The following EPYC variants were observed in gnomAD, a reference collection of about 807,000 sequenced individuals.
EPYC encodes epiphycan, also known as dermatan sulfate proteoglycan 3.
In EPYC, 28 loss-of-function variants were observed where a neutral mutation model predicts 30.1. That is an observed-to-expected ratio of 0.93 (90% CI 0.69 to 1.28). EPYC has a LOEUF of 1.28. EPYC is among the 50% of genes most tolerant of loss of function. The probability of loss-of-function intolerance (pLI) is 0.00; values close to 1 mark genes in which losing one functional copy is unlikely to be tolerated. For synonymous variants in EPYC, 144 were observed against 141.4 expected (o/e 1.02, Z -0.13); for missense variants, 382 against 383.5 (o/e 1.00, Z 0.03).
intron 2 of EPYC, among the ~76,000 whole-genome samples, chr12:91,000,962 C>T (rs979594453): frequency 1.3e-5 from 2 of 151,946 alleles, no homozygotes; most frequent in Non-Finnish European, 1.5e-5. Context: ...ACAGAAAATC[C>T]TGTTAACAGA....
At chr12:90,977,982 CT>C (rs1592625454) in intron 3 of EPYC, 105 bp downstream of exon 3, 1 of 1,045,336 alleles carries the variant, frequency 9.6e-7, no homozygotes, top group East Asian at 2.9e-5. Context: ...TATTCCAAAA[CT>C]TTTTTCTTGG....
intron 2 of EPYC, among the ~76,000 whole-genome samples, chr12:90,988,015 G>A (rs1241434316): frequency 6.6e-6 from 1 of 151,984 alleles, no homozygotes; most frequent in Non-Finnish European, 1.5e-5. Context: ...TGGGAAATAA[G>A]GATAGTCCAG....
intron 2 of EPYC, among the ~76,000 whole-genome samples, chr12:90,983,622 C>A (rs529331490): frequency 6.6e-6 from 1 of 152,134 alleles, no homozygotes; most frequent in East Asian, 1.9e-4. Context: ...TGCAGCCATG[C>A]GAGGAACTCT....
intron 2 of EPYC, among the ~76,000 whole-genome samples, chr12:91,000,573 A>G (rs537519182): frequency 2.6e-5 from 4 of 152,024 alleles, no homozygotes; most frequent in Non-Finnish European, 5.9e-5. Context: ...TAGAGAAGCC[A>G]TGATCCCAAA....
chr12:91,001,662 A>C (rs1330107081), intron 2 of EPYC, among the ~76,000 whole-genome samples: 3 of 152,144 alleles, frequency 2.0e-5, no homozygotes, highest in Middle Eastern at 3.2e-3. Flanking sequence ...GTTGAGCTAC[A>C]GTGGAGTTCC....
chr12:90,976,104 T>G (rs1288286852), intron 3 of EPYC, among the ~76,000 whole-genome samples: 1 of 152,110 alleles, frequency 6.6e-6, no homozygotes, highest in Non-Finnish European at 1.5e-5. Context: ...AAAGGGCAAC[T>G]TTTCATATTA....
chr12:90,982,366 A>G (rs1378788707), intron 2 of EPYC, among the ~76,000 whole-genome samples: 1 of 152,094 alleles, frequency 6.6e-6, no homozygotes, highest in Non-Finnish European at 1.5e-5. Context: ...GTTGACAGTT[A>G]CGCAACTATC....
intron 2 of EPYC, among the ~76,000 whole-genome samples, chr12:90,984,849 G>T (rs1317818892): frequency 2.0e-5 from 3 of 152,072 alleles, no homozygotes; most frequent in Non-Finnish European, 4.4e-5. Flanking sequence ...GCTGTAGGGG[G>T]AGGGGAATTT....
chr12:90,987,512 T>C (rs1386128700), intron 2 of EPYC, among the ~76,000 whole-genome samples: 2 of 152,188 alleles, frequency 1.3e-5, no homozygotes, highest in East Asian at 1.9e-4. Context: ...ATTTATCTCA[T>C]AGAGAAAGCA....
At chr12:90,984,977 C>G (rs1322088482) in intron 2 of EPYC, among the ~76,000 whole-genome samples, 1 of 152,116 alleles carries the variant, frequency 6.6e-6, no homozygotes, top group Non-Finnish European at 1.5e-5. Flanking sequence ...GGGTCTAGGG[C>G]AAACCTTCAA....
chr12:90,964,073 A>G lies in EPYC; in HGVS notation c.*83T>C. ...ATCTCTCAGAACACAATCTCAAAGT[A>G]TCATGCTGAGTTTTGTTTTGGAAGA... On this transcript the variant is annotated 3_prime_UTR_variant, in exon 7 of 7. Coordinates refer to ENST00000261172, the MANE Select transcript of EPYC (RefSeq NM_004950.5). 1 of 1,119,866 alleles carries G rather than the reference A, an allele frequency of 8.9e-7. No homozygotes were observed. The highest frequency in any genetic ancestry group is 1.3e-6 in the Non-Finnish European group (1 of 774,946). The allele number at this position is 1,119,866 out of a possible 1,614,324, so 69.4% of individuals were successfully genotyped here.
chr12:90,984,162 G>T (rs1431927911), intron 2 of EPYC, among the ~76,000 whole-genome samples: 1 of 152,090 alleles, frequency 6.6e-6, no homozygotes, highest in East Asian at 1.9e-4. Flanking sequence ...AAACGCTTAG[G>T]ACTCTAACAG....
At chr12:91,001,008 T>C (rs1877809879) in intron 2 of EPYC, among the ~76,000 whole-genome samples, 1 of 151,996 alleles carries the variant, frequency 6.6e-6, no homozygotes, top group Non-Finnish European at 1.5e-5. Flanking sequence ...AAACAGTGAA[T>C]ATTAATAAAG....
chr12:90,992,433 A>T (rs1307428572), intron 2 of EPYC, among the ~76,000 whole-genome samples: 6 of 152,194 alleles, frequency 3.9e-5, no homozygotes, highest in African/African-American at 7.2e-5. Flanking sequence ...GCAGGAGGAA[A>T]GGGAGAAGCC....
chr12:90,978,180 T>C lies in EPYC; in HGVS notation c.248A>G (p.Glu83Gly), dbSNP rs34037526. Residue 83 changes from glutamate to glycine, a missense_variant, in exon 3 of 7, where the codon GAA becomes GGA. Physicochemically the swap from Glu to Gly is moderately conservative, Grantham distance 98 (BLOSUM62 -2). Coordinates refer to ENST00000261172, the MANE Select transcript of EPYC (RefSeq NM_004950.5). ...CCTGGGAGTAGATTCCTCCTCCTCTTCCTCTTCCTGGGCCTTCTCAGGCTG... is the reference window on the plus strand; with the variant it reads ...CCTGGGAGTAGATTCCTCCTCCTCTCCCTCTTCCTGGGCCTTCTCAGGCTG... ...PPQPEKAQEE[E>G]EEEESTPRLI... 1,554 of 1,607,504 alleles carry C rather than the reference T, an allele frequency of 9.7e-4. 10 individuals are homozygous for C. The African/African-American group carries it at 0.019, about 19-fold the overall frequency.
chr12:90,999,906 A>G (rs1877784018), intron 2 of EPYC, among the ~76,000 whole-genome samples: 2 of 151,874 alleles, frequency 1.3e-5, no homozygotes, highest in African/African-American at 2.4e-5. Flanking sequence ...ACTTTATCAT[A>G]TATTTTTGTT....
At chr12:90,986,055 C>G (rs1877441106) in intron 2 of EPYC, among the ~76,000 whole-genome samples, 1 of 152,060 alleles carries the variant, frequency 6.6e-6, no homozygotes, top group Admixed American at 6.6e-5. Flanking sequence ...CTTGTTATGC[C>G]TGAAAGTCTC....
At chr12:90,983,441 G>A (rs992902026) in intron 2 of EPYC, among the ~76,000 whole-genome samples, 8 of 152,294 alleles carry the variant, frequency 5.3e-5, no homozygotes, top group African/African-American at 1.7e-4. Context: ...AAAGACATGG[G>A]TGTCAGGCTT....
intron 2 of EPYC, among the ~76,000 whole-genome samples, chr12:90,984,586 G>C (rs1877403801): frequency 6.6e-6 from 1 of 152,100 alleles, no homozygotes; most frequent in Non-Finnish European, 1.5e-5. Context: ...TTTTCTGTAA[G>C]AGGGAAGGCA....
Sources: allele counts gnomAD v4.1 joint callset (sites outside exome capture counted in the v4.1 genomes callset), GRCh38; gene constraint gnomAD v4.1.1; transcripts MANE v1.5; gene names NCBI Gene and HGNC (gene_info 2026-07-23, HGNC 2026-07-21).